SKAP2: variants seen among roughly 807,000 people sequenced by gnomAD.
SKAP2 encodes src kinase-associated phosphoprotein 2.
SKAP2 carries 28 observed loss-of-function variants against 54.9 expected under a neutral mutation model. The observed-to-expected ratio is 0.51, with a 90% CI of 0.38 to 0.70. SKAP2 has a LOEUF of 0.70. Ranked by LOEUF, SKAP2 falls within the 30% of genes least tolerant of loss-of-function variation. The pLI is 0.00. For missense variants in SKAP2, 356 were observed against 424.1 expected (o/e 0.84, Z 1.41); for synonymous variants, 137 against 134.3 (o/e 1.02, Z -0.14).
chr7:26,840,003 T>C (rs1336458403), intron 4 of SKAP2, among the ~76,000 whole-genome samples: 1 of 152,020 alleles, frequency 6.6e-6, no homozygotes, highest in East Asian at 1.9e-4. Context: ...AAATTTTTAA[T>C]ATTATAAATT....
chr7:26,850,950 C>T (rs1233048080), intron 3 of SKAP2, among the ~76,000 whole-genome samples: 1 of 151,794 alleles, frequency 6.6e-6, no homozygotes, highest in Non-Finnish European at 1.5e-5. Flanking sequence ...TGAATATAAA[C>T]AAGTGAAAAA....
At chr7:26,802,639 T>C (rs1320722695) in intron 4 of SKAP2, among the ~76,000 whole-genome samples, 1 of 151,916 alleles carries the variant, frequency 6.6e-6, no homozygotes, top group East Asian at 2.0e-4. Context: ...TCCTGGCACT[T>C]TGGGAGGCAG....
chr7:26,750,310 A>G (rs2127966121), intron 4 of SKAP2, among the ~76,000 whole-genome samples: 1 of 123,056 alleles, frequency 8.1e-6, no homozygotes, highest in South Asian at 2.8e-4. Flanking sequence ...CTAATATACC[A>G]TACTTTTTTT....
intron 1 of SKAP2, chr7:26,857,520 G>A (rs1785196110): frequency 2.0e-6 from 2 of 985,314 alleles, no homozygotes; most frequent in Non-Finnish European, 2.4e-6. Flanking sequence ...TGCCGGTGGC[G>A]TTCGGCCGGT....
At chr7:26,746,939 T>C (rs1160334030) in intron 4 of SKAP2, among the ~76,000 whole-genome samples, 1 of 152,174 alleles carries the variant, frequency 6.6e-6, no homozygotes, top group Non-Finnish European at 1.5e-5. Context: ...GCTAGAACCT[T>C]GGCCTGGAAT....
intron 4 of SKAP2, among the ~76,000 whole-genome samples, chr7:26,822,230 T>C (rs1784396974): frequency 6.6e-6 from 1 of 152,218 alleles, no homozygotes; most frequent in African/African-American, 2.4e-5. Flanking sequence ...TACTGCATTT[T>C]TTACAAATTG....
At chr7:26,828,020 TAAAC>T (rs576576975) in intron 4 of SKAP2, among the ~76,000 whole-genome samples, 252 of 152,290 alleles carry the variant, frequency 1.7e-3, no homozygotes, top group African/African-American at 5.6e-3. Context: ...TCAATTCAAA[TAAAC>T]AAACTAACTT....
intron 4 of SKAP2, among the ~76,000 whole-genome samples, chr7:26,816,964 T>C (rs1784277593): frequency 6.6e-6 from 1 of 152,162 alleles, no homozygotes. Flanking sequence ...ACAGTCACAG[T>C]GATGGAAAAA....
chr7:26,827,067 G>A (rs566383582), intron 4 of SKAP2, among the ~76,000 whole-genome samples: 107 of 152,124 alleles, frequency 7.0e-4, no homozygotes, highest in Non-Finnish European at 1.4e-3. Context: ...TCTTTTCCCC[G>A]TGGTAAGAAA....
intron 4 of SKAP2, among the ~76,000 whole-genome samples, chr7:26,796,474 C>T (rs912352210): frequency 6.6e-5 from 10 of 152,206 alleles, no homozygotes; most frequent in Non-Finnish European, 1.2e-4. Flanking sequence ...TGAATAACAC[C>T]ATGGGACCCA....
At chr7:26,660,210 T>C in the SKAP2 span, among the ~76,000 whole-genome samples, 3 of 152,168 alleles carry the variant, frequency 2.0e-5, no homozygotes, top group African/African-American at 4.8e-5. Flanking sequence ...TGCTCTGATA[T>C]GGTTTTCATG....
chr7:26,817,559 G>A (rs1482065578), intron 4 of SKAP2, among the ~76,000 whole-genome samples: 1 of 152,038 alleles, frequency 6.6e-6, no homozygotes, highest in Admixed American at 6.6e-5. Context: ...TACAATTGCA[G>A]ACAACAACAT....
chr7:26,768,215 C>T (rs992829093), intron 4 of SKAP2, among the ~76,000 whole-genome samples: 1 of 151,688 alleles, frequency 6.6e-6, no homozygotes, highest in African/African-American at 2.4e-5. Context: ...TATGTAATGC[C>T]CTTGTCTTTT....
At chr7:26,860,032 T>C (rs1385710899) in intron 1 of SKAP2, among the ~76,000 whole-genome samples, 1 of 152,182 alleles carries the variant, frequency 6.6e-6, no homozygotes, top group African/African-American at 2.4e-5. Context: ...GTGTCTACCT[T>C]CTTTCTAGTA....
At chr7:26,827,383 C>T (rs894997913) in intron 4 of SKAP2, among the ~76,000 whole-genome samples, 2 of 152,152 alleles carry the variant, frequency 1.3e-5, no homozygotes, top group Admixed American at 6.5e-5. Context: ...CGCTCCATTG[C>T]TTGACTCTCA....
intron 4 of SKAP2, among the ~76,000 whole-genome samples, chr7:26,759,421 G>A (rs1782874708): frequency 6.6e-6 from 1 of 152,116 alleles, no homozygotes; most frequent in Admixed American, 6.5e-5. Flanking sequence ...TTCAGTGATT[G>A]AGGAGTTTGC....
intron 4 of SKAP2, among the ~76,000 whole-genome samples, chr7:26,837,887 GAAAAAGTAAC>G (rs1784746954): frequency 6.7e-6 from 1 of 149,912 alleles, no homozygotes. Flanking sequence ...GGGGAAGAGG[GAAAAAGTAAC>G]TCTTTTAAGA....
At chr7:26,856,380 T>C (rs956324506) in intron 1 of SKAP2, among the ~76,000 whole-genome samples, 2 of 151,968 alleles carry the variant, frequency 1.3e-5, no homozygotes, top group Non-Finnish European at 2.9e-5. Flanking sequence ...CCTTGAGTTA[T>C]ATTAACAACT....
At chr7:26,793,538 T>C (rs1176768565) in intron 4 of SKAP2, among the ~76,000 whole-genome samples, 1 of 152,196 alleles carries the variant, frequency 6.6e-6, no homozygotes, top group Non-Finnish European at 1.5e-5. Context: ...TTAAACAATA[T>C]AAATAGTAAT....
Sources: gnomAD v4.1 joint callset for allele counts (sites outside exome capture counted in the v4.1 genomes callset) on GRCh38, gnomAD v4.1.1 for gene constraint, MANE v1.5 for transcripts, NCBI Gene and HGNC (gene_info 2026-07-23, HGNC 2026-07-21) for gene names.